The following CEP72 variants were observed in gnomAD, a reference collection of about 807,000 sequenced individuals.
The protein encoded by CEP72 is centrosomal protein 72.
A neutral mutation model predicts 65.7 loss-of-function variants in CEP72; 78 were observed. That is an observed-to-expected ratio of 1.19 (90% confidence interval 0.99 to 1.43). The LOEUF (loss-of-function observed/expected upper bound fraction) is 1.43. Ranked by LOEUF, CEP72 falls within the 40% of genes most tolerant of loss-of-function variation. CEP72 has a pLI of 0.00. For missense variants in CEP72, 914 were observed against 832.9 expected (o/e 1.10, Z -1.20); for synonymous variants, 358 against 351.7 (o/e 1.02, Z -0.20).
intron 1 of CEP72, among the ~76,000 whole-genome samples, chr5:614,970 CTA>C (rs952860017): frequency 1.1e-4 from 17 of 150,902 alleles, no homozygotes; most frequent in African/African-American, 4.1e-4. Context: ...TCTAGTGACT[CTA>C]TTAATGACTG....
Position 639,097 on chromosome 5 carries a change from C to T in CEP72, c.1215C>T (p.Pro405=), listed in dbSNP as rs766964183. ...TGTTGTTTCCATCACAGCCGTCTCC[C>T]GGGTCACACTCGGCTCTACCCGGGA... is the stretch of plus-strand genomic sequence containing the variant. ...RGVTDTREPS[P]GSHSALPGKK... is the part of the protein sequence containing the mutation. Residue 405 remains proline, a synonymous_variant, in exon 8 of 12, where the codon CCC becomes CCT. Transcript: ENST00000264935. 28 of 1,613,256 alleles carry T rather than the reference C, an allele frequency of 1.7e-5. No homozygotes were observed. The highest frequency in any genetic ancestry group is 2.7e-5 in the African/African-American group (2 of 74,944).
At chr5:667,681 G>T (rs544312622), downstream of CEP72, among the ~76,000 whole-genome samples, 2 of 152,266 alleles carry the variant, frequency 1.3e-5, no homozygotes, top group South Asian at 2.1e-4. Context: ...ATACACAAAG[G>T]AACCTTAAAA....
At chr5:668,382 G>T (rs1465869719), downstream of CEP72, among the ~76,000 whole-genome samples, 3 of 104,388 alleles carry the variant, frequency 2.9e-5, no homozygotes, top group African/African-American at 1.2e-4. Flanking sequence ...GTCCGCGTGG[G>T]CCTCGTCAGG....
downstream of CEP72, among the ~76,000 whole-genome samples, chr5:672,002 G>T (rs1397962281): frequency 6.6e-6 from 1 of 152,192 alleles, no homozygotes. Flanking sequence ...ACAGGAGGAC[G>T]TCACACACAG....
chr5:647,826 G>A lies in CEP72; in HGVS notation c.1688G>A (p.Arg563Lys). Residue 563 changes from arginine to lysine, a missense_variant, in exon 11 of 12, where the codon AGG (arginine) becomes AAG (lysine). Transcript: ENST00000264935. ...QIAGLQTSVK[R>K]LCGEIVELKQ... ...TCAGGACTTCAAACAAGTGTGAAGA[G>A]GCTGTGTGGCGAGATTGTGGAACTG... 2 of 1,612,436 alleles carry A rather than the reference G, an allele frequency of 1.2e-6. No homozygotes were observed.
chr5:644,533 C>T, intron 10 of CEP72, 108 bp downstream of exon 10: 1 of 1,336,466 alleles, frequency 7.5e-7, no homozygotes, highest in South Asian at 1.3e-5. Flanking sequence ...GCAGCAGACG[C>T]AGTTGGTAAG....
At chr5:616,276 T>A (rs557152610) in intron 1 of CEP72, among the ~76,000 whole-genome samples, 1 of 152,226 alleles carries the variant, frequency 6.6e-6, no homozygotes, top group Admixed American at 6.5e-5. Context: ...TAAACTGCTC[T>A]TGTGATTTTT....
intron 4 of CEP72, among the ~76,000 whole-genome samples, chr5:628,484 CCGTCCCTGGGGAGTGTTCCCAGG>C (rs1736915369): frequency 2.7e-5 from 4 of 150,892 alleles, no homozygotes; most frequent in African/African-American, 9.9e-5. Context: ...ACTCAGGTTG[CCGTCCCTGGGGAGTGTTCCCAGG>C]ACCCAGCCCC....
chr5:619,212 C>T, intron 2 of CEP72, 95 bp downstream of exon 2: 1 of 1,196,838 alleles, frequency 8.4e-7, no homozygotes, highest in African/African-American at 1.5e-5. Context: ...TAACCCTCTG[C>T]TTACATCTGT....
chr5:616,349 T>C (rs559043018), intron 1 of CEP72, among the ~76,000 whole-genome samples: 33 of 152,342 alleles, frequency 2.2e-4, no homozygotes, highest in African/African-American at 7.9e-4. Flanking sequence ...GTTTCTTTGC[T>C]AAGACTAGTT....
Position 628,488 on chromosome 5 carries a change from C to T in CEP72, c.512+3909C>T, listed in dbSNP as rs368162724. Among the ~76,000 whole-genome samples the T allele has an allele frequency of 1.5e-3, 154 of 102,468 alleles. 1 individual carries two copies. Among genetic ancestry groups the T allele is most frequent in the African/African-American group, 5.0e-3 (133 of 26,458 alleles). The allele number at this position is 102,468 out of a possible 152,430, so 67.2% of individuals were successfully genotyped here. ...GCTTCTGGAGAACTCAGGTTGCCGTCCCTGGGGAGTGTTCCCAGGACCCAG... is the reference window on the plus strand; with the variant it reads ...GCTTCTGGAGAACTCAGGTTGCCGTTCCTGGGGAGTGTTCCCAGGACCCAG... On this transcript the variant is annotated intron_variant, in intron 4 of 11. Transcript: ENST00000264935.
intron 3 of CEP72, chr5:665,357 G>A: frequency 6.6e-7 from 1 of 1,511,138 alleles, no homozygotes; most frequent in Non-Finnish European, 9.0e-7. Flanking sequence ...GCCAGCAAGT[G>A]AAATGGCTGT....
At chr5:619,309 G>C (rs1736222414) in intron 2 of CEP72, among the ~76,000 whole-genome samples, 192 bp downstream of exon 2, 2 of 152,210 alleles carry the variant, frequency 1.3e-5, no homozygotes, top group South Asian at 4.1e-4. Context: ...GTCGCCCTCT[G>C]ATGACGATGA....
In CEP72 at chr5:640,089, T is replaced by C. The variant is rs56687988; in HGVS notation, c.1343-319T>C. On this transcript the variant is annotated intron_variant, in intron 8 of 11. Coordinates refer to ENST00000264935, the MANE Select transcript of CEP72 (RefSeq NM_018140.4). Reference sequence around the variant, plus strand: ...GAGTTGCCAGCTGTCGTCTGCATGGTGGTTTCCACACAGGGCAGTCGGTGC... The same window carrying C: ...GAGTTGCCAGCTGTCGTCTGCATGGCGGTTTCCACACAGGGCAGTCGGTGC... Among the ~76,000 whole-genome samples, 1,469 of 152,296 alleles carry C rather than the reference T, an allele frequency of 9.6e-3. 27 individuals are homozygous for C. The highest frequency in any genetic ancestry group is 0.034 in the African/African-American group (1,409 of 41,554).
chr5:664,392 G>A (rs1739809201), intron 2 of CEP72: 1 of 152,514 alleles, frequency 6.6e-6, no homozygotes, highest in Non-Finnish European at 1.5e-5. Context: ...TACCCTCACA[G>A]TCCAAGCCAC....
downstream of CEP72, among the ~76,000 whole-genome samples, chr5:669,277 GAGCCCGGT>G (rs1462040627): frequency 2.1e-4 from 16 of 74,518 alleles, no homozygotes; most frequent in African/African-American, 8.1e-4. Flanking sequence ...GGGCGCTGGT[GAGCCCGGT>G]GAGCCGGAGG....
chr5:634,303 A>G (rs1431652890), intron 5 of CEP72, among the ~76,000 whole-genome samples: 2 of 152,186 alleles, frequency 1.3e-5, no homozygotes, highest in Non-Finnish European at 2.9e-5. Flanking sequence ...ACTTGCAGGA[A>G]ACCCTGAGCT....
intron 1 of CEP72, chr5:662,975 T>C (rs532815498): frequency 1.4e-4 from 21 of 150,658 alleles, no homozygotes; most frequent in East Asian, 9.5e-4. Context: ...ATCGGGTGAT[T>C]CCGATGACTG....
downstream of CEP72, among the ~76,000 whole-genome samples, chr5:671,112 G>A (rs905443028): frequency 6.6e-5 from 10 of 152,230 alleles, no homozygotes; most frequent in Admixed American, 2.0e-4. Context: ...CCTGAGCTCC[G>A]GAGGTCTGGC....
Sources: gnomAD v4.1 joint callset for allele counts (sites outside exome capture counted in the v4.1 genomes callset) on GRCh38, gnomAD v4.1.1 for gene constraint, MANE v1.5 for transcripts, NCBI Gene and HGNC (gene_info 2026-07-23, HGNC 2026-07-21) for gene names.